The following CREB3L2 variants were observed in gnomAD, a reference collection of about 807,000 sequenced individuals.
CREB3L2 encodes the protein cyclic AMP-responsive element-binding protein 3-like protein 2.
Under a neutral mutation model 57.2 loss-of-function variants are expected in CREB3L2, and 23 were observed. The observed-to-expected ratio is 0.40, with a 90% CI of 0.29 to 0.57. CREB3L2 has a LOEUF of 0.57. Among genes scored for constraint, CREB3L2 ranks in the 20% least tolerant of loss-of-function variants. The pLI is 0.42. For missense variants in CREB3L2, 628 were observed against 634.7 expected, an observed-to-expected ratio of 0.99 and a Z score of 0.11; for synonymous variants, 268 against 265.1, an observed-to-expected ratio of 1.01 and a Z score of -0.11.
chr7:137,914,177 TATA>T (rs1172310498), intron 3 of CREB3L2, among the ~76,000 whole-genome samples: 1 of 149,176 alleles, frequency 6.7e-6, no homozygotes, highest in Non-Finnish European at 1.5e-5. Context: ...ATACAATTAA[TATA>T]ATTATTAATA....
intron 1 of CREB3L2, among the ~76,000 whole-genome samples, chr7:137,949,958 T>C (rs749797644): frequency 6.6e-6 from 1 of 152,184 alleles, no homozygotes; most frequent in Non-Finnish European, 1.5e-5. Flanking sequence ...CTGTCAGAAG[T>C]ATAATAAGGG....
chr7:137,944,419 C>T (rs1284133776), intron 1 of CREB3L2, among the ~76,000 whole-genome samples: 1 of 152,204 alleles, frequency 6.6e-6, no homozygotes, highest in Non-Finnish European at 1.5e-5. Flanking sequence ...TATTTAAAAA[C>T]TCTGCATGTA....
At chr7:137,988,159 C>T (rs1425907460) in intron 1 of CREB3L2, among the ~76,000 whole-genome samples, 1 of 152,232 alleles carries the variant, frequency 6.6e-6, no homozygotes, top group Admixed American at 6.5e-5. Context: ...GGGCTTCCTC[C>T]TCCCACACCT....
intron 2 of CREB3L2, among the ~76,000 whole-genome samples, chr7:137,924,039 C>A (rs1800392017): frequency 6.6e-6 from 1 of 152,166 alleles, no homozygotes; most frequent in African/African-American, 2.4e-5. Flanking sequence ...CTACTGTGTT[C>A]ATTCCCACCT....
At chr7:137,908,774 G>A (rs1799947563) in intron 4 of CREB3L2, among the ~76,000 whole-genome samples, 1 of 152,126 alleles carries the variant, frequency 6.6e-6, no homozygotes, top group African/African-American at 2.4e-5. Context: ...AGGAGTTTGT[G>A]ACCAGCCTGA....
At chr7:137,900,714 G>A (rs991021718) in intron 8 of CREB3L2, among the ~76,000 whole-genome samples, 6 of 151,682 alleles carry the variant, frequency 4.0e-5, no homozygotes, top group African/African-American at 1.2e-4. Context: ...TGAGGCAGGA[G>A]AATCACTTGA....
chr7:137,880,486 G>T lies in CREB3L2; in HGVS notation c.1553C>A (p.Thr518Asn), dbSNP rs1316214152. ...KVVELDRRVNTTF is the reference protein window; with the variant it reads ...KVVELDRRVNNTF ...GTGCAGGCAGCCTCTTTAGAAAGTG[G>T]TGTTCACTCTTCTGTCGAGTTCTAC... The change falls in exon 12 of 12, where the codon ACC (threonine) becomes AAC (asparagine). Residue 518 changes from threonine to asparagine, a missense_variant. Thr to Asn is a moderately conservative substitution (Grantham distance 65, BLOSUM62 0). Around this residue, in one of 3 missense-constraint regions of CREB3L2, gnomAD observed 272 missense variants for 242.7 expected, o/e 1.12. Coordinates refer to ENST00000330387, the MANE Select transcript of CREB3L2 (RefSeq NM_194071.4). The surrounding 1 kb of genome is among the most constrained non-coding windows in gnomAD (Gnocchi z 4.0). 2 of 1,613,360 alleles carry T rather than the reference G, an allele frequency of 1.2e-6. No homozygotes were observed. Among genetic ancestry groups the T allele is most frequent in the Admixed American group, 1.7e-5 (1 of 59,978 alleles).
intron 1 of CREB3L2, among the ~76,000 whole-genome samples, chr7:137,944,529 A>C (rs1032267050): frequency 1.3e-5 from 2 of 152,356 alleles, no homozygotes; most frequent in African/African-American, 4.8e-5. Context: ...ATTTGAGTGA[A>C]GGCAACAAGA....
chr7:137,881,401 C>T (rs990857737), intron 11 of CREB3L2, among the ~76,000 whole-genome samples: 2 of 152,176 alleles, frequency 1.3e-5, no homozygotes, highest in Non-Finnish European at 1.5e-5. Context: ...ATTAGGGATG[C>T]TTAACTGTTA....
intron 4 of CREB3L2, among the ~76,000 whole-genome samples, chr7:137,912,075 T>C (rs1377033607): frequency 1.3e-5 from 2 of 151,806 alleles, no homozygotes; most frequent in African/African-American, 2.4e-5. Flanking sequence ...GAAAGATAAA[T>C]ATAGAAATAT....
At chr7:137,975,692 A>T (rs1801594793) in intron 1 of CREB3L2, among the ~76,000 whole-genome samples, 1 of 152,228 alleles carries the variant, frequency 6.6e-6, no homozygotes, top group African/African-American at 2.4e-5. Context: ...GTAAAATAGC[A>T]GGAAAGATTC....
chr7:137,922,736 C>A, intron 2 of CREB3L2: 1 of 413,198 alleles, frequency 2.4e-6, no homozygotes, highest in Non-Finnish European at 5.0e-6. Flanking sequence ...GGAGGGCGGA[C>A]CGTACATCCA....
rs769273490 is a variant in CREB3L2 at position 137,880,171 on chromosome 7, C to T, written c.*305G>A. The T allele has an allele frequency of 1.1e-5, 5 of 444,802 alleles. No homozygotes were observed. In the East Asian group the frequency reaches 1.9e-4, roughly 17 times the overall value. The allele number at this position is 444,802 out of a possible 1,614,324, so 27.6% of individuals were successfully genotyped here. A position where few individuals can be genotyped will look rare whatever the true frequency, so the allele number is the denominator to read the frequency against. On this transcript the variant is annotated 3_prime_UTR_variant, in exon 12 of 12. Coordinates refer to ENST00000330387, the MANE Select transcript of CREB3L2 (RefSeq NM_194071.4). The surrounding 1 kb of genome is among the most constrained non-coding windows in gnomAD (Gnocchi z 4.0). ...CTCACAGGTGCACATTAGGCAATAT[C>T]TTTTTGGCACTATTGGTGGAAACAA...
intron 7 of CREB3L2, among the ~76,000 whole-genome samples, chr7:137,902,685 A>C (rs184050177): frequency 8.5e-5 from 13 of 152,346 alleles, no homozygotes; most frequent in Admixed American, 3.3e-4. Flanking sequence ...CATATCCTCC[A>C]GTATATGTTA....
intron 10 of CREB3L2, among the ~76,000 whole-genome samples, chr7:137,883,944 T>C (rs1312694697): frequency 6.6e-6 from 1 of 152,222 alleles, no homozygotes; most frequent in African/African-American, 2.4e-5. Flanking sequence ...GCTTCTTATC[T>C]GACACCGGAG....
At chr7:137,947,925 T>TC (rs1373673940) in intron 1 of CREB3L2, among the ~76,000 whole-genome samples, 8 of 152,158 alleles carry the variant, frequency 5.3e-5, no homozygotes, top group African/African-American at 1.4e-4. Context: ...CCAGGCCTCC[T>TC]CCGGCCCGAC....
At chr7:137,956,297 G>A (rs1023692910) in intron 1 of CREB3L2, among the ~76,000 whole-genome samples, 5 of 152,182 alleles carry the variant, frequency 3.3e-5, no homozygotes, top group Admixed American at 3.3e-4. Flanking sequence ...TTTCATTATA[G>A]AGCATTTTCA....
chr7:137,910,164 T>G (rs1034293179), intron 4 of CREB3L2, among the ~76,000 whole-genome samples: 2 of 152,142 alleles, frequency 1.3e-5, no homozygotes, highest in African/African-American at 4.8e-5. Flanking sequence ...AATACCTGAA[T>G]AGCCGAGGCC....
At chr7:137,925,137 A>C (rs1203312364) in intron 2 of CREB3L2, among the ~76,000 whole-genome samples, 1 of 152,040 alleles carries the variant, frequency 6.6e-6, no homozygotes, top group Non-Finnish European at 1.5e-5. Flanking sequence ...GAAAGTTAGG[A>C]GGAAAAGGGC....
Sources: gnomAD v4.1 joint callset for allele counts (sites outside exome capture counted in the v4.1 genomes callset) on GRCh38, gnomAD v4.1.1 for gene constraint, gnomAD v4.1.1 regional missense constraint, Gnocchi (gnomAD v3.1) non-coding constraint, MANE v1.5 for transcripts, NCBI Gene and HGNC (gene_info 2026-07-23, HGNC 2026-07-21) for gene names.